MAN2A1: variants seen among roughly 807,000 people sequenced by gnomAD.
The protein encoded by MAN2A1 is mannosidase alpha class 2A member 1.
Under a neutral mutation model 142.6 loss-of-function variants are expected in MAN2A1, and 76 were observed. The ratio of observed to expected loss-of-function variants is 0.53; its 90% CI spans 0.44 to 0.65. MAN2A1 has a LOEUF of 0.65. MAN2A1 is among the 30% of genes least tolerant of loss of function. The pLI, the probability that MAN2A1 is intolerant of heterozygous loss-of-function variation, is 0.00. For synonymous variants in MAN2A1, 559 were observed against 473.2 expected (o/e 1.18, Z -2.35); for missense variants, 1,311 against 1,365.1 (o/e 0.96, Z 0.62).
intron 16 of MAN2A1, among the ~76,000 whole-genome samples, chr5:109,829,643 A>G (rs148235154): frequency 7.9e-5 from 12 of 152,312 alleles, no homozygotes; most frequent in African/African-American, 1.4e-4. Flanking sequence ...TCCTGTTACA[A>G]TTCTTCAAAG....
intron 3 of MAN2A1, among the ~76,000 whole-genome samples, chr5:109,725,485 G>A (rs1751719269): frequency 1.3e-5 from 2 of 152,198 alleles, no homozygotes; most frequent in South Asian, 4.1e-4. Context: ...GCCCTGATGG[G>A]GAGAGACTTA....
intron 12 of MAN2A1, among the ~76,000 whole-genome samples, chr5:109,794,860 G>C (rs1037310591): frequency 4.6e-5 from 7 of 152,040 alleles, no homozygotes; most frequent in Non-Finnish European, 7.4e-5. Flanking sequence ...CCTATGTTCT[G>C]TCTCTGTTAT....
chr5:109,744,606 A>G (rs1329337763), intron 4 of MAN2A1, among the ~76,000 whole-genome samples: 1 of 152,206 alleles, frequency 6.6e-6, no homozygotes, highest in Non-Finnish European at 1.5e-5. Flanking sequence ...AAAATAAAAA[A>G]GATGACAACG....
At chr5:109,784,672 C>A in intron 9 of MAN2A1, 72 bp from the exon 10 acceptor site, 1 of 1,186,992 alleles carries the variant, frequency 8.4e-7, no homozygotes, top group Non-Finnish European at 1.2e-6. Flanking sequence ...TGTAAAGTAT[C>A]AATGTCACAA....
At chr5:109,846,197 A>G (rs1346437390) in intron 18 of MAN2A1, among the ~76,000 whole-genome samples, 191 bp downstream of exon 18, 2 of 152,206 alleles carry the variant, frequency 1.3e-5, no homozygotes, top group African/African-American at 4.8e-5. Flanking sequence ...TGAATCTCCT[A>G]AATCTTCAGA....
intron 12 of MAN2A1, among the ~76,000 whole-genome samples, chr5:109,815,872 A>G (rs1233670386): frequency 1.3e-5 from 2 of 152,242 alleles, no homozygotes; most frequent in African/African-American, 4.8e-5. Context: ...TGCGGTTACA[A>G]AATTGTATAG....
chr5:109,830,398 T>G (rs1461332014), intron 16 of MAN2A1, among the ~76,000 whole-genome samples: 1 of 152,208 alleles, frequency 6.6e-6, no homozygotes, highest in Non-Finnish European at 1.5e-5. Context: ...TAGTTTCACA[T>G]AAAATCTCTT....
In MAN2A1 at chr5:109,694,658, GT is replaced by G. The variant is rs33993965; in HGVS notation, c.135+4118del. 8.3e-3 allele frequency among the ~76,000 whole-genome samples: 1,221 copies of G among 146,408 alleles called. 17 individuals are homozygous for G. Among genetic ancestry groups the G allele is most frequent in the African/African-American group, 0.026 (1,025 of 40,102 alleles). ...TTCACTGCTCCCAGTTGCCTTTTGTGTTTTTTTTTTTTAACTTACTGTAATA... is the reference window on the plus strand; with the variant it reads ...TTCACTGCTCCCAGTTGCCTTTTGTGTTTTTTTTTTTAACTTACTGTAATA... On this transcript the variant is annotated intron_variant, in intron 1 of 21. Coordinates refer to ENST00000261483, the MANE Select transcript of MAN2A1 (RefSeq NM_002372.4).
At chr5:109,863,928 G>C (rs1186203415) in intron 20 of MAN2A1, 2 of 152,164 alleles carry the variant, frequency 1.3e-5, no homozygotes, top group African/African-American at 2.4e-5. Flanking sequence ...CAAAATATCA[G>C]TGTGAAACAT....
At chr5:109,822,739 G>A (rs1754659670) in intron 15 of MAN2A1, among the ~76,000 whole-genome samples, 1 of 151,862 alleles carries the variant, frequency 6.6e-6, no homozygotes, top group Non-Finnish European at 1.5e-5. Flanking sequence ...ATGCAGTGGC[G>A]CGATCTCAGC....
At chr5:109,692,450 C>T (rs1266973430) in intron 1 of MAN2A1, among the ~76,000 whole-genome samples, 1 of 152,156 alleles carries the variant, frequency 6.6e-6, no homozygotes, top group Non-Finnish European at 1.5e-5. Flanking sequence ...AGCAGATAGA[C>T]ATTCTAAGAC....
intron 1 of MAN2A1, among the ~76,000 whole-genome samples, chr5:109,690,883 C>G (rs1227369455): frequency 2.0e-5 from 3 of 152,102 alleles, no homozygotes; most frequent in Admixed American, 2.0e-4. Context: ...TGAGGCACCC[C>G]CCGCCAGCCC....
chr5:109,746,623 A>G (rs911503889), intron 4 of MAN2A1, among the ~76,000 whole-genome samples: 1 of 149,024 alleles, frequency 6.7e-6, no homozygotes, highest in African/African-American at 2.5e-5. Flanking sequence ...GTAAATAAGC[A>G]TAACATAAAA....
chr5:109,812,586 G>A (rs1754348461), intron 12 of MAN2A1, among the ~76,000 whole-genome samples: 1 of 151,970 alleles, frequency 6.6e-6, no homozygotes, highest in Admixed American at 6.5e-5. Flanking sequence ...ATGCATTCTT[G>A]TTTGAAATGA....
chr5:109,749,106 T>G (rs2300999), intron 4 of MAN2A1, among the ~76,000 whole-genome samples: 26,667 of 152,034 alleles, frequency 0.18, 3,285 homozygotes, highest in East Asian at 0.64. Flanking sequence ...TCATTAGAAA[T>G]TCAGCTGGTT....
chr5:109,830,117 G>C (rs555680736), intron 16 of MAN2A1, among the ~76,000 whole-genome samples: 2 of 152,252 alleles, frequency 1.3e-5, no homozygotes, highest in Admixed American at 6.5e-5. Flanking sequence ...ACTAGATCCT[G>C]TTCAGACATG....
intron 15 of MAN2A1, among the ~76,000 whole-genome samples, chr5:109,821,832 T>C (rs577130174): frequency 1.1e-4 from 17 of 152,138 alleles, no homozygotes; most frequent in Admixed American, 5.9e-4. Context: ...ATTTTTCTTA[T>C]TGTGTCATTT....
At chr5:109,776,489 G>A (rs1753296125) in intron 8 of MAN2A1, among the ~76,000 whole-genome samples, 1 of 152,048 alleles carries the variant, frequency 6.6e-6, no homozygotes. Flanking sequence ...ATCTTACTAG[G>A]AAGTGATTTT....
chr5:109,847,889 C>A (rs1755382838), intron 19 of MAN2A1, 99 bp downstream of exon 19: 1 of 904,688 alleles, frequency 1.1e-6, no homozygotes, highest in East Asian at 3.1e-5. Context: ...AAAATCATTT[C>A]CAATATTGAG....
Sources: allele counts gnomAD v4.1 joint callset (sites outside exome capture counted in the v4.1 genomes callset), GRCh38; gene constraint gnomAD v4.1.1; transcripts MANE v1.5; gene names NCBI Gene and HGNC (gene_info 2026-07-23, HGNC 2026-07-21).